CD80: variants seen among roughly 807,000 people sequenced by gnomAD.
The protein encoded by CD80 is CD80 molecule, also known as T-lymphocyte activation antigen CD80.
In CD80, 13 loss-of-function variants were observed where a neutral mutation model predicts 27.1. The observed-to-expected ratio is 0.48, with a 90% confidence interval of 0.31 to 0.76. The LOEUF (loss-of-function observed/expected upper bound fraction) is 0.76. Ranked by LOEUF, CD80 falls within the 30% of genes least tolerant of loss-of-function variation. The pLI is 0.04. For missense variants in CD80, 277 were observed against 347.9 expected, an observed-to-expected ratio of 0.80 and a Z score of 1.62; for synonymous variants, 125 against 125.5, an observed-to-expected ratio of 1.00 and a Z score of 0.03.
intron 6 of CD80, 103 bp from the exon 7 acceptor site, chr3:119,525,852 T>TTATATATG (rs200047035): frequency 1.4e-5 from 2 of 146,624 alleles, no homozygotes; most frequent in East Asian, 2.0e-4. Flanking sequence ...AATTTTTAAA[T>TTATATATG]TATATATGTA....
chr3:119,538,259 C>T (rs1267494583), intron 3 of CD80, among the ~76,000 whole-genome samples: 2 of 152,170 alleles, frequency 1.3e-5, no homozygotes, highest in Non-Finnish European at 2.9e-5. Flanking sequence ...GACACCAGAG[C>T]CTATCTTTTC....
intron 4 of CD80, among the ~76,000 whole-genome samples, chr3:119,530,961 A>G (rs750864781): frequency 3.4e-4 from 52 of 152,380 alleles, no homozygotes; most frequent in Non-Finnish European, 2.5e-4. Context: ...GGTAATATAC[A>G]GTACTCAATG....
rs767102120 is a variant in CD80 at position 119,557,883 on chromosome 3, G to A, written c.-155C>T. 19 of 445,062 alleles carry A rather than the reference G, an allele frequency of 4.3e-5. No individual in the cohort carries two copies. The highest frequency in any genetic ancestry group is 8.1e-5 in the Admixed American group (2 of 24,622). The allele number at this position is 445,062 out of a possible 1,614,324, so 27.6% of individuals were successfully genotyped here. A position where few individuals can be genotyped will look rare whatever the true frequency, so the allele number is the denominator to read the frequency against. On this transcript the variant is annotated 5_prime_UTR_variant, in exon 2 of 7. Coordinates refer to ENST00000264246, the MANE Select transcript of CD80 (RefSeq NM_005191.4). ...ATGTTTACAAAACACACAGAGATTGGAGGGTGTTCCTGGGTCTCCAAAGGT... is the reference window on the plus strand; with the variant it reads ...ATGTTTACAAAACACACAGAGATTGAAGGGTGTTCCTGGGTCTCCAAAGGT...
At chr3:119,549,884 T>C (rs1375938477) in intron 2 of CD80, among the ~76,000 whole-genome samples, 1 of 152,226 alleles carries the variant, frequency 6.6e-6, no homozygotes, top group Non-Finnish European at 1.5e-5. Context: ...CAGACACTCC[T>C]AGTGTTGCAA....
intron 2 of CD80, among the ~76,000 whole-genome samples, chr3:119,550,728 G>A (rs1217666107): frequency 6.6e-6 from 1 of 152,118 alleles, no homozygotes; most frequent in Non-Finnish European, 1.5e-5. Flanking sequence ...AATGGGCATT[G>A]TAACACCTAC....
intron 2 of CD80, among the ~76,000 whole-genome samples, chr3:119,556,722 G>A (rs2107749215): frequency 6.6e-6 from 1 of 152,270 alleles, no homozygotes. Flanking sequence ...AAGTTTTTAA[G>A]ACAAGGACCC....
chr3:119,536,134 C>G (rs138732628), intron 4 of CD80, among the ~76,000 whole-genome samples: 1 of 151,698 alleles, frequency 6.6e-6, no homozygotes, highest in African/African-American at 2.4e-5. Flanking sequence ...GCCTGTAATC[C>G]CAGCTATTCG....
chr3:119,531,988 A>G (rs2082113950), intron 4 of CD80, among the ~76,000 whole-genome samples: 1 of 151,870 alleles, frequency 6.6e-6, no homozygotes, highest in Admixed American at 6.6e-5. Flanking sequence ...TGCTTATTGG[A>G]CTTCTCATCA....
intron 2 of CD80, among the ~76,000 whole-genome samples, chr3:119,547,094 C>G (rs2082206209): frequency 6.6e-6 from 1 of 152,154 alleles, no homozygotes; most frequent in African/African-American, 2.4e-5. Flanking sequence ...TAAAGGCAAC[C>G]ATGACTAAGT....
In CD80 at chr3:119,544,567, A is replaced by G. The variant is rs758270977; in HGVS notation, c.401T>C (p.Val134Ala). 4 of 1,613,770 alleles carry G rather than the reference A, an allele frequency of 2.5e-6. No individual in the cohort carries two copies. The highest frequency in any genetic ancestry group is 1.7e-5 in the Admixed American group (1 of 60,006). Residue 134 changes from valine to alanine, a missense_variant, in exon 3 of 7, where the codon GTG becomes GCG. Transcript: ENST00000264246. ...CCACCAACCTTTGACTGATAACGTC[A>G]CTTCAGCCAGGTGTTCCCGCTTGAA... Reference protein sequence around the residue: ...DAFKREHLAEVTLSVKADFPT... With the variant: ...DAFKREHLAEATLSVKADFPT...
rs1429937256 is a variant in CD80 at position 119,537,278 on chromosome 3, T to G, written c.559A>C (p.Thr187Pro). ...ENGEELNAIN[T>P]TVSQDPETEL... is the part of the protein sequence containing the mutation. The stretch of plus-strand genomic sequence containing the variant: ...GTTTCAGGATCTTGGGAAACTGTTG[T>G]GTTGATGGCATTTAATTCTTCTCCA... The change falls in exon 4 of 7, where the codon ACA becomes CCA. Residue 187 changes from threonine to proline, a missense_variant. Transcript: ENST00000264246. 3 of 1,614,116 alleles carry G rather than the reference T, an allele frequency of 1.9e-6. No homozygotes were observed. The highest frequency in any genetic ancestry group is 1.7e-5 in the Admixed American group (1 of 60,012).
At chr3:119,544,923 T>C (rs9282638) in intron 2 of CD80, 56 bp from the exon 3 acceptor site, 197,735 of 1,411,842 alleles carry the variant, frequency 0.14, 15,266 homozygotes, top group African/African-American at 0.24. Flanking sequence ...GATTCCTGCA[T>C]GGTCAGGAAT....
intron 2 of CD80, among the ~76,000 whole-genome samples, chr3:119,548,514 A>G (rs908827175): frequency 2.0e-5 from 3 of 152,176 alleles, no homozygotes; most frequent in Admixed American, 1.3e-4. Context: ...TCTGGAAGGG[A>G]CTTCCATGAT....
chr3:119,554,696 A>G (rs991153500), intron 2 of CD80, among the ~76,000 whole-genome samples: 12 of 152,146 alleles, frequency 7.9e-5, no homozygotes, highest in African/African-American at 2.4e-4. Context: ...TGCCCTGAAT[A>G]AAGCCCTCTA....
At chr3:119,536,901 A>C (rs914316910) in intron 4 of CD80, among the ~76,000 whole-genome samples, 1 of 152,242 alleles carries the variant, frequency 6.6e-6, no homozygotes, top group Non-Finnish European at 1.5e-5. Flanking sequence ...CTATGTGTTC[A>C]GTATGGTAAC....
intron 3 of CD80, among the ~76,000 whole-genome samples, chr3:119,538,046 T>G (rs2082148899): frequency 6.6e-6 from 1 of 152,174 alleles, no homozygotes; most frequent in African/African-American, 2.4e-5. Context: ...AGACAACGTT[T>G]ACTGAACTCT....
chr3:119,550,564 G>C (rs1431726887), intron 2 of CD80, among the ~76,000 whole-genome samples: 1 of 152,118 alleles, frequency 6.6e-6, no homozygotes, highest in Non-Finnish European at 1.5e-5. Context: ...CTGTTTTAGG[G>C]ACTCCATCAC....
At chr3:119,543,318 A>AG (rs2082180757) in intron 3 of CD80, among the ~76,000 whole-genome samples, 1 of 152,152 alleles carries the variant, frequency 6.6e-6, no homozygotes, top group Non-Finnish European at 1.5e-5. Context: ...CTTCCACAGT[A>AG]GGTACATAAA....
Position 119,524,601 on chromosome 3 carries a change from GGCTTA to G in CD80, c.*1182_*1186del, listed in dbSNP as rs1278081065. ...TAAAGGCTTTAAATCCCAGCCATGTGGCTTAGCTGCCATGAGATGTGCATTTGAGA... is the reference window on the plus strand; with the variant it reads ...TAAAGGCTTTAAATCCCAGCCATGTGGCTGCCATGAGATGTGCATTTGAGA... On this transcript the variant is annotated 3_prime_UTR_variant, in exon 7 of 7. Coordinates refer to ENST00000264246, the MANE Select transcript of CD80 (RefSeq NM_005191.4). 1.3e-5 allele frequency: 2 copies of G among 152,208 alleles called. No homozygotes were observed. Among genetic ancestry groups the G allele is most frequent in the Non-Finnish European group, 2.9e-5 (2 of 68,042 alleles). 9.4% of individuals were successfully genotyped at this position (152,208 alleles called of 1,614,324 possible).
Sources: gnomAD v4.1 joint callset for allele counts (sites outside exome capture counted in the v4.1 genomes callset) on GRCh38, gnomAD v4.1.1 for gene constraint, MANE v1.5 for transcripts, NCBI Gene and HGNC (gene_info 2026-07-23, HGNC 2026-07-21) for gene names.